The following EIF3G variants were observed in gnomAD, a reference collection of about 807,000 sequenced individuals.
The protein encoded by EIF3G is eukaryotic translation initiation factor 3 RNA-binding subunit.
A neutral mutation model predicts 41.7 loss-of-function variants in EIF3G; 10 were observed. That is an observed-to-expected ratio of 0.24 (90% confidence interval 0.15 to 0.41). EIF3G has a LOEUF of 0.41. Among genes scored for constraint, EIF3G ranks in the 10% least tolerant of loss-of-function variants. EIF3G has a pLI of 1.00. For synonymous variants in EIF3G, 204 were observed against 172.5 expected (o/e 1.18, Z -1.43); for missense variants, 297 against 444.0 (o/e 0.67, Z 2.98).
rs1402806980 is a variant in EIF3G at position 10,117,093 on chromosome 19, G to A, written c.396C>T (p.Thr132=). 3 of 1,613,400 alleles carry A rather than the reference G, an allele frequency of 1.9e-6. No homozygotes were observed. The African/African-American group carries it at 4.0e-5, about 22-fold the overall frequency. Residue 132 remains threonine, a synonymous_variant, in exon 6 of 11, where the codon ACC becomes ACT. Coordinates refer to ENST00000253108, the MANE Select transcript of EIF3G (RefSeq NM_003755.5). ...VSDDVSMTFI[T]SKEDLNCQEE... ...TGATTGCCCCGCTTACCTCTTTGCT[G>A]GTGATGAACGTCATAGAGACATCGT... is the stretch of plus-strand genomic sequence containing the variant.
chr19:10,118,792 C>T, intron 4 of EIF3G, 65 bp from the exon 5 acceptor site: 3 of 1,608,456 alleles, frequency 1.9e-6, no homozygotes, highest in Non-Finnish European at 1.7e-6. Context: ...TCAACCTCCT[C>T]AACACACCCC....
Position 10,119,125 on chromosome 19 carries a change from T to C in EIF3G, c.114A>G (p.Thr38=). 6.2e-7 allele frequency: 1 copy of C among 1,601,986 alleles called. No homozygotes were observed. The highest frequency in any genetic ancestry group is 1.7e-5 in the Admixed American group (1 of 58,156). ...SELLKGIPLA[T]GDTSPEPELL... ...GCTCTGGCTCTGGGCTGGTGTCACC[T>C]GTGGCCAGAGGGATCCCCTTGAGGA... Residue 38 remains threonine, a synonymous_variant, in exon 3 of 11, where the codon ACA becomes ACG. Coordinates refer to ENST00000253108, the MANE Select transcript of EIF3G (RefSeq NM_003755.5).
At position 10,116,398 on chromosome 19, in the gene EIF3G, C is replaced by G. The variant is rs375380766; in HGVS notation, c.596-324G>C. The G allele has an allele frequency of 1.4e-5, 7 of 506,092 alleles. No individual in the cohort carries two copies. Among genetic ancestry groups the G allele is most frequent in the Non-Finnish European group, 1.4e-5 (4 of 280,952 alleles). The allele number at this position is 506,092 out of a possible 1,614,324, so 31.4% of individuals were successfully genotyped here. Reference sequence around the variant, plus strand: ...ACAACAGGAACAGCGCCCAGGTCCCCCTCGCGTGGCAGGCGACAAGTGCAC... The same window carrying G: ...ACAACAGGAACAGCGCCCAGGTCCCGCTCGCGTGGCAGGCGACAAGTGCAC... On this transcript the variant is annotated intron_variant, in intron 7 of 10. Coordinates refer to ENST00000253108, the MANE Select transcript of EIF3G (RefSeq NM_003755.5). The surrounding 1 kb of genome is among the most constrained non-coding windows in gnomAD (Gnocchi z 4.1).
Position 10,116,610 on chromosome 19 carries a change from A to T in EIF3G, c.595+190T>A. 1 of 583,584 alleles carries T rather than the reference A, an allele frequency of 1.7e-6. No homozygotes were observed. Among genetic ancestry groups the T allele is most frequent in the Non-Finnish European group, 3.0e-6 (1 of 336,534 alleles). 36.2% of individuals were successfully genotyped at this position (583,584 alleles called of 1,614,324 possible). On this transcript the variant is annotated intron_variant, in intron 7 of 10. Transcript: ENST00000253108. This position sits in a 1 kb window ranked among gnomAD's most constrained non-coding sequence, Gnocchi z 4.1. ...GGCCACCAGCAAAGTCACAGCTGCC[A>T]AGTCGCACATATATGGGAGACGCCC...
At chr19:10,115,314 C>G (rs1328595810) in intron 10 of EIF3G, 165 bp downstream of exon 10, 1 of 1,096,400 alleles carries the variant, frequency 9.1e-7, no homozygotes, top group African/African-American at 1.6e-5. Flanking sequence ...GGCACAAGAG[C>G]TGCCACCCCT....
intron 5 of EIF3G, 177 bp downstream of exon 5, chr19:10,118,491 G>A: frequency 1.5e-6 from 1 of 655,960 alleles, no homozygotes; most frequent in South Asian, 1.9e-5. Flanking sequence ...CTTGAACCCA[G>A]GAGGCGGAGG....
At chr19:10,117,551 T>C (rs2089270229) in intron 5 of EIF3G, 1 of 234,040 alleles carries the variant, frequency 4.3e-6, no homozygotes, top group Non-Finnish European at 8.2e-6. Context: ...TCCTCCCTTA[T>C]AAAACGGGAA....
chr19:10,115,020 G>C lies in EIF3G; in HGVS notation c.*94C>G. On this transcript the variant is annotated 3_prime_UTR_variant, in exon 11 of 11. Coordinates refer to ENST00000253108, the MANE Select transcript of EIF3G (RefSeq NM_003755.5). ...AAGAACAAAAAGAACCAAGTAGAGAGAGTGGAGCTGCTTTATTGCCCTTGG... is the reference window on the plus strand; with the variant it reads ...AAGAACAAAAAGAACCAAGTAGAGACAGTGGAGCTGCTTTATTGCCCTTGG... The C allele has an allele frequency of 1.3e-6, 2 of 1,566,962 alleles. No individual in the cohort carries two copies. Among genetic ancestry groups the C allele is most frequent in the East Asian group, 2.3e-5 (1 of 44,230 alleles).
At position 10,116,532 on chromosome 19, in the gene EIF3G, G is replaced by A. The variant is rs990552162; in HGVS notation, c.595+268C>T. 3 of 516,836 alleles carry A rather than the reference G, an allele frequency of 5.8e-6. No individual in the cohort carries two copies. Among genetic ancestry groups the A allele is most frequent in the Non-Finnish European group, 3.5e-6 (1 of 289,524 alleles). 32.0% of individuals were successfully genotyped at this position (516,836 alleles called of 1,614,324 possible). A position where few individuals can be genotyped will look rare whatever the true frequency, so the allele number is the denominator to read the frequency against. On this transcript the variant is annotated intron_variant, in intron 7 of 10. Coordinates refer to ENST00000253108, the MANE Select transcript of EIF3G (RefSeq NM_003755.5). The surrounding 1 kb of genome is among the most constrained non-coding windows in gnomAD (Gnocchi z 4.1). ...ACACACAGTGCGCACACACGATGTGGGGTGGTCAGCACCCTGGGGCCGACA... is the reference window on the plus strand; with the variant it reads ...ACACACAGTGCGCACACACGATGTGAGGTGGTCAGCACCCTGGGGCCGACA...
In EIF3G at chr19:10,119,870, AT is replaced by A; in HGVS notation, c.-12del. 6.2e-7 allele frequency: 1 copy of A among 1,614,138 alleles called. No homozygotes were observed. The highest frequency in any genetic ancestry group is 2.2e-5 in the East Asian group (1 of 44,874). ...GTCTCCAGTAGGCATCGCAAAAAGT[AT>A]TCTCCACGCAGCCCAAGCCCGGCCA... is the stretch of plus-strand genomic sequence containing the variant. On this transcript the variant is annotated 5_prime_UTR_variant, in exon 1 of 11. Transcript: ENST00000253108.
At chr19:10,118,768 A>AG in intron 4 of EIF3G, 41 bp from the exon 5 acceptor site, 1 of 1,612,464 alleles carries the variant, frequency 6.2e-7, no homozygotes, top group Non-Finnish European at 8.5e-7. Context: ...CCTGGGACCA[A>AG]GGGATCTCCT....
rs1348306119 is a variant in EIF3G, at chr19:10,116,178, T to C, written c.596-104A>G. 1.7e-6 allele frequency: 2 copies of C among 1,201,872 alleles called. No homozygotes were observed. The highest frequency in any genetic ancestry group is 2.3e-6 in the Non-Finnish European group (2 of 858,014). 74.5% of individuals were successfully genotyped at this position (1,201,872 alleles called of 1,614,324 possible). On this transcript the variant is annotated intron_variant, in intron 7 of 10. Coordinates refer to ENST00000253108, the MANE Select transcript of EIF3G (RefSeq NM_003755.5). This position sits in a 1 kb window ranked among gnomAD's most constrained non-coding sequence, Gnocchi z 4.1. ...TTCAGTGTTGAGCCAGCGCAGGCACTGTGTGCCAAACCACAGGCAGCCAGT... is the reference window on the plus strand; with the variant it reads ...TTCAGTGTTGAGCCAGCGCAGGCACCGTGTGCCAAACCACAGGCAGCCAGT...
At position 10,115,809 on chromosome 19, in the gene EIF3G, C is replaced by T. The variant is rs868284931; in HGVS notation, c.715G>A (p.Ala239Thr). 16 of 1,612,658 alleles carry T rather than the reference C, an allele frequency of 9.9e-6. No homozygotes were observed. The Admixed American group carries it at 2.0e-4, about 20-fold the overall frequency. Reference protein sequence around the residue: ...MQPNRRADDNATIRVTNLSED... With the variant: ...MQPNRRADDNTTIRVTNLSED... ...GACAAGTTGGTGACACGGATGGTGG[C>T]GTTGTCGTCGGCTGTGTGGGAGAGG... is the stretch of plus-strand genomic sequence containing the variant. The change falls in exon 9 of 11, where the codon GCC (alanine) becomes ACC (threonine). Residue 239 changes from alanine to threonine, a missense_variant. Around this residue, in one of 4 missense-constraint regions of EIF3G, gnomAD observed 91 missense variants for 170.5 expected, o/e 0.53. Coordinates refer to ENST00000253108, the MANE Select transcript of EIF3G (RefSeq NM_003755.5).
chr19:10,115,545 G>A lies in EIF3G; in HGVS notation c.881C>T (p.Ala294Val), dbSNP rs1238973948. The A allele has an allele frequency of 2.5e-6, 4 of 1,613,832 alleles. No individual in the cohort carries two copies. The highest frequency in any genetic ancestry group is 3.4e-6 in the Non-Finnish European group (4 of 1,179,832). Residue 294 changes from alanine to valine, a missense_variant, in exon 10 of 11, where the codon GCG becomes GTG. Ala to Val is a moderately conservative substitution (Grantham distance 64). This residue lies in a region of EIF3G where 91 missense variants were observed against 170.5 expected (regional missense o/e 0.53). Coordinates refer to ENST00000253108, the MANE Select transcript of EIF3G (RefSeq NM_003755.5). ...FISFHRREDA[A>V]RAIAGVSGFG... is the part of the protein sequence containing the mutation. ...GCCGGACACCCCGGCAATGGCACGCGCAGCATCCTCGCGGCGGTGGAAGCT... is the reference window on the plus strand; with the variant it reads ...GCCGGACACCCCGGCAATGGCACGCACAGCATCCTCGCGGCGGTGGAAGCT...
Position 10,119,168 on chromosome 19 carries a change from T to A in EIF3G, c.71A>T (p.Lys24Ile). Residue 24 changes from lysine (K) to isoleucine (I), a missense_variant, in exon 3 of 11, where the codon AAA becomes ATA. Physicochemically the swap from Lys to Ile is moderately radical, Grantham distance 102. This residue lies in a region of EIF3G where 147 missense variants were observed against 162.4 expected (regional missense o/e 0.91). Coordinates refer to ENST00000253108, the MANE Select transcript of EIF3G (RefSeq NM_003755.5). ...DQVEEEGEDD[K>I]CVTSELLKGI... ...CTTGAGGAGCTCGCTGGTGACACAT[T>A]TGTCTGCAAAAGGCAGCGTAGGAAG... 2 of 1,579,620 alleles carry A rather than the reference T, an allele frequency of 1.3e-6. No individual in the cohort carries two copies. The highest frequency in any genetic ancestry group is 1.7e-6 in the Non-Finnish European group (2 of 1,161,614).
chr19:10,115,934 C>T (rs2089239236), intron 8 of EIF3G, 33 bp downstream of exon 8: 4 of 1,607,858 alleles, frequency 2.5e-6, no homozygotes, highest in Non-Finnish European at 3.4e-6. Context: ...GGGAGGTGCC[C>T]ACCCACCAGC....
chr19:10,118,611 TC>T, intron 5 of EIF3G, 56 bp downstream of exon 5: 2 of 1,563,836 alleles, frequency 1.3e-6, no homozygotes, highest in Non-Finnish European at 1.8e-6. Flanking sequence ...AAACACAAAG[TC>T]CGGGAGCACG....
chr19:10,117,554 A>C, intron 5 of EIF3G: 1 of 223,416 alleles, frequency 4.5e-6, no homozygotes, highest in Non-Finnish European at 8.7e-6. Flanking sequence ...TCCCTTATAA[A>C]ACGGGAACCA....
rs774582064 is a variant in EIF3G, at chr19:10,119,688, A to G, written c.33T>C (p.Ser11=). MPTGDFDSKP[S]WADQVEEEGE... is the part of the protein sequence containing the mutation. ...CCTCCTCCTCCACCTGGTCGGCCCAACTGGGCTTCGAACTGCGGAAACAAA... is the reference window on the plus strand; with the variant it reads ...CCTCCTCCTCCACCTGGTCGGCCCAGCTGGGCTTCGAACTGCGGAAACAAA... The change falls in exon 2 of 11, where the codon AGT becomes AGC. Residue 11 remains serine (S), a synonymous_variant. Coordinates refer to ENST00000253108, the MANE Select transcript of EIF3G (RefSeq NM_003755.5). The G allele has an allele frequency of 1.3e-6, 2 of 1,599,932 alleles. No individual in the cohort carries two copies. Among genetic ancestry groups the G allele is most frequent in the Admixed American group, 3.4e-5 (2 of 59,322 alleles).
Sources: gnomAD v4.1 joint callset for allele counts on GRCh38, gnomAD v4.1.1 for gene constraint, gnomAD v4.1.1 regional missense constraint, Gnocchi (gnomAD v3.1) non-coding constraint, MANE v1.5 for transcripts, NCBI Gene and HGNC (gene_info 2026-07-23, HGNC 2026-07-21) for gene names.